Variants in CNBD1 observed in about 807,000 individuals in gnomAD.
The protein encoded by CNBD1 is cyclic nucleotide-binding domain-containing protein 1.
CNBD1 carries 71 observed loss-of-function variants against 54.4 expected under a neutral mutation model. The ratio of observed to expected loss-of-function variants is 1.30; its 90% CI spans 1.08 to 1.59. The LOEUF (loss-of-function observed/expected upper bound fraction) is 1.59, where lower values mean the gene tolerates loss of function less well. CNBD1 is among the 40% of genes most tolerant of loss of function. CNBD1 has a pLI of 0.00. For synonymous variants in CNBD1, 182 were observed against 170.7 expected (o/e 1.07, Z -0.51); for missense variants, 659 against 518.0 (o/e 1.27, Z -2.64).
chr8:87,306,412 A>C (rs976048128), intron 8 of CNBD1, among the ~76,000 whole-genome samples: 3 of 152,200 alleles, frequency 2.0e-5, no homozygotes, highest in Admixed American at 2.0e-4. Flanking sequence ...TACTCAGAAG[A>C]AAATAAGTTA....
intron 1 of CNBD1, among the ~76,000 whole-genome samples, chr8:86,887,102 G>GAT (rs927838597): frequency 6.6e-6 from 1 of 152,156 alleles, no homozygotes; most frequent in African/African-American, 2.4e-5. Flanking sequence ...ACCTGCGTAG[G>GAT]ATTGAATAGG....
chr8:87,214,017 G>C (rs1354780918), intron 5 of CNBD1, among the ~76,000 whole-genome samples: 4 of 152,166 alleles, frequency 2.6e-5, no homozygotes, highest in Admixed American at 6.5e-5. Flanking sequence ...GCTTCAGAAT[G>C]ATCTCCTTTA....
At chr8:87,088,622 A>G (rs2130676217) in intron 4 of CNBD1, among the ~76,000 whole-genome samples, 1 of 152,250 alleles carries the variant, frequency 6.6e-6, no homozygotes, top group African/African-American at 2.4e-5. Context: ...ATATTATGAT[A>G]AAGATTATTA....
At chr8:86,926,078 G>T (rs1809355326) in intron 3 of CNBD1, among the ~76,000 whole-genome samples, 1 of 152,018 alleles carries the variant, frequency 6.6e-6, no homozygotes, top group South Asian at 2.1e-4. Flanking sequence ...CCCATGATTG[G>T]CTACTTTTAG....
At chr8:87,424,931 C>G (rs992301759) in intron 2 of CNBD1, among the ~76,000 whole-genome samples, 25 of 152,234 alleles carry the variant, frequency 1.6e-4, no homozygotes, top group Non-Finnish European at 3.2e-4. Context: ...AACTTGGTTC[C>G]ATTCTCCCCA....
chr8:87,275,638 A>T (rs1328948191), intron 6 of CNBD1, among the ~76,000 whole-genome samples: 1 of 151,650 alleles, frequency 6.6e-6, no homozygotes, highest in African/African-American at 2.4e-5. Context: ...CAAAAACTGG[A>T]AGCATTCCCT....
Position 87,277,053 on chromosome 8 carries a change from G to A in CNBD1, c.772-7625G>A, listed in dbSNP as rs546002774. On this transcript the variant is annotated intron_variant, in intron 6 of 10. Coordinates refer to ENST00000518476, the MANE Select transcript of CNBD1 (RefSeq NM_173538.3). The stretch of plus-strand genomic sequence containing the variant: ...TCCTTCTTACATTTATGAAAGTGCT[G>A]AATCATGATGGGTCATTTATATATA... 9.3e-5 allele frequency among the ~76,000 whole-genome samples: 14 copies of A among 149,994 alleles called. No individual in the cohort carries two copies. In the South Asian group the frequency reaches 2.3e-3, roughly 25 times the overall value.
At chr8:87,079,337 G>T (rs780675230) in intron 4 of CNBD1, among the ~76,000 whole-genome samples, 2 of 152,070 alleles carry the variant, frequency 1.3e-5, no homozygotes, top group Non-Finnish European at 2.9e-5. Flanking sequence ...CGTAGGGCTA[G>T]AATGGCTAGA....
chr8:87,333,526 C>G (rs956042246), intron 8 of CNBD1, among the ~76,000 whole-genome samples: 1 of 151,982 alleles, frequency 6.6e-6, no homozygotes, highest in Non-Finnish European at 1.5e-5. Context: ...ATAAATAGCT[C>G]TTATTATTTT....
chr8:87,004,404 A>G (rs190326819), intron 4 of CNBD1, among the ~76,000 whole-genome samples: 2 of 152,290 alleles, frequency 1.3e-5, no homozygotes, highest in East Asian at 3.9e-4. Context: ...TTTAAACACA[A>G]TTTTAACCTT....
chr8:87,052,279 C>T (rs967413247), intron 4 of CNBD1, among the ~76,000 whole-genome samples: 1 of 152,148 alleles, frequency 6.6e-6, no homozygotes, highest in African/African-American at 2.4e-5. Context: ...TAGCTTCCTT[C>T]TGATATCAGG....
rs754572531 is a variant in CNBD1 at position 86,866,547 on chromosome 8, A to C, written c.52A>C (p.Asn18His). The change falls in exon 1 of 11, where the codon AAC becomes CAC. Residue 18 changes from asparagine (N) to histidine (H), a missense_variant. Physicochemically the swap from Asn to His is moderately conservative, Grantham distance 68. Coordinates refer to ENST00000518476, the MANE Select transcript of CNBD1 (RefSeq NM_173538.3). ...TATTTTGTCTCACATGACAGCTATT[A>C]ACAATGTGCCTCCTCCTCCACTTCA... The part of the protein sequence containing the change: ...AAILSHMTAI[N>H]NVPPPPLHSI... 6.2e-7 allele frequency: 1 copy of C among 1,612,068 alleles called. No homozygotes were observed. The highest frequency in any genetic ancestry group is 2.2e-5 in the East Asian group (1 of 44,822).
At chr8:86,898,622 T>A (rs1808882641) in intron 2 of CNBD1, among the ~76,000 whole-genome samples, 1 of 152,166 alleles carries the variant, frequency 6.6e-6, no homozygotes, top group South Asian at 2.1e-4. Context: ...CCATATCCAA[T>A]AAATATATGT....
In CNBD1 at chr8:87,325,101, A is replaced by G. The variant is rs1453101040; in HGVS notation, c.1043-26584A>G. Among the ~76,000 whole-genome samples the G allele has an allele frequency of 6.2e-5, 6 of 96,686 alleles. 2 individuals are homozygous for G. Among genetic ancestry groups the G allele is most frequent in the Admixed American group, 1.8e-4 (2 of 11,062 alleles). The allele number at this position is 96,686 out of a possible 152,430, so 63.4% of individuals were successfully genotyped here. A position where few individuals can be genotyped will look rare whatever the true frequency, so the allele number is the denominator to read the frequency against. On this transcript the variant is annotated intron_variant, in intron 8 of 10. Transcript: ENST00000518476. ...GGAGCAGGTTGTTCAGTTTCCATGTAGTTGGGCGGCTTTGAGTGAGATTCT... is the reference window on the plus strand; with the variant it reads ...GGAGCAGGTTGTTCAGTTTCCATGTGGTTGGGCGGCTTTGAGTGAGATTCT...
At chr8:87,233,630 AAT>A (rs1807511673) in intron 5 of CNBD1, among the ~76,000 whole-genome samples, 1 of 151,888 alleles carries the variant, frequency 6.6e-6, no homozygotes, top group African/African-American at 2.4e-5. Context: ...GGTTGCAGCA[AAT>A]TCTCTCTCTC....
intron 4 of CNBD1, among the ~76,000 whole-genome samples, chr8:86,984,359 G>A (rs1808557214): frequency 6.6e-6 from 1 of 152,284 alleles, no homozygotes; most frequent in Middle Eastern, 3.4e-3. Flanking sequence ...GCAGAGGAAG[G>A]GAAATGTGGG....
intron 2 of CNBD1, among the ~76,000 whole-genome samples, chr8:87,389,034 T>C (rs1370353367): frequency 6.6e-6 from 1 of 152,206 alleles, no homozygotes; most frequent in Non-Finnish European, 1.5e-5. Flanking sequence ...GAAAAGGCCT[T>C]TGACAGAACT....
chr8:87,218,496 T>C (rs79278511), intron 5 of CNBD1, among the ~76,000 whole-genome samples: 1 of 152,210 alleles, frequency 6.6e-6, no homozygotes, highest in African/African-American at 2.4e-5. Flanking sequence ...TTTAAATTCT[T>C]AGAAATAGTC....
chr8:87,214,222 T>A (rs896171132), intron 5 of CNBD1, among the ~76,000 whole-genome samples: 5 of 152,238 alleles, frequency 3.3e-5, no homozygotes, highest in Non-Finnish European at 7.3e-5. Context: ...CTTTTAAAAC[T>A]GAATGCTTTT....
Sources: allele counts gnomAD v4.1 joint callset (sites outside exome capture counted in the v4.1 genomes callset), GRCh38; gene constraint gnomAD v4.1.1; transcripts MANE v1.5; gene names NCBI Gene and HGNC (gene_info 2026-07-23, HGNC 2026-07-21).